The following KIF26B variants were observed in gnomAD, a reference collection of about 807,000 sequenced individuals.
The protein encoded by KIF26B is kinesin family member 26B, also known as kinesin-like protein KIF26B.
KIF26B carries 63 observed loss-of-function variants against 151.2 expected under a neutral mutation model. The observed-to-expected ratio is 0.42, with a 90% confidence interval of 0.34 to 0.51. The LOEUF (loss-of-function observed/expected upper bound fraction) is 0.51, where lower values mean the gene tolerates loss of function less well. KIF26B is among the 20% of genes least tolerant of loss of function. The probability of loss-of-function intolerance (pLI) is 0.07; values close to 1 mark genes in which losing one functional copy is unlikely to be tolerated. For missense variants in KIF26B, 2,813 were observed against 2,913.6 expected, an observed-to-expected ratio of 0.97 and a Z score of 0.79; for synonymous variants, 1,357 against 1,262.1, an observed-to-expected ratio of 1.08 and a Z score of -1.59.
chr1:245,265,828 G>A (rs76114378), intron 2 of KIF26B, among the ~76,000 whole-genome samples: 2 of 151,972 alleles, frequency 1.3e-5, no homozygotes, highest in Non-Finnish European at 2.9e-5. Context: ...AGCTGGTTTC[G>A]AACTCCTGAG....
chr1:245,586,911 A>G (rs915216625), intron 5 of KIF26B, among the ~76,000 whole-genome samples: 57 of 148,396 alleles, frequency 3.8e-4, no homozygotes, highest in African/African-American at 1.4e-3. Flanking sequence ...AAAAAAAAAC[A>G]TCAAACAATA....
chr1:245,260,978 G>A (rs997146474), intron 2 of KIF26B, among the ~76,000 whole-genome samples: 2 of 151,934 alleles, frequency 1.3e-5, no homozygotes, highest in Non-Finnish European at 2.9e-5. Context: ...GTCAACTCTT[G>A]CCTGTCCTTC....
intron 2 of KIF26B, among the ~76,000 whole-genome samples, chr1:245,337,983 G>A (rs576871255): frequency 6.6e-6 from 1 of 152,310 alleles, no homozygotes; most frequent in Admixed American, 6.5e-5. Flanking sequence ...ACAGCTAACA[G>A]CTTGACAGGA....
In KIF26B at chr1:245,318,563, T is replaced by C. The variant is rs1476649374; in HGVS notation, c.466-48271T>C. Among the ~76,000 whole-genome samples the C allele has an allele frequency of 6.6e-6, 1 of 152,180 alleles. No homozygotes were observed. The highest frequency in any genetic ancestry group is 1.9e-4 in the East Asian group (1 of 5,184). ...TGCTGGAATTATCCCAGAGCTGTGT[T>C]GTGACCTCTGGATGCTAGCCTTTCC... On this transcript the variant is annotated intron_variant, in intron 2 of 14. Transcript: ENST00000407071. This position sits in a 1 kb window ranked among gnomAD's most constrained non-coding sequence, Gnocchi z 4.0.
In KIF26B at chr1:245,704,873, T is replaced by C. The variant is rs1158077564; in HGVS notation, c.*2267T>C. ...CATATAGTTCATGAAAAGTCTTTAA[T>C]TGGAGATTTTCAAAGGTGAATATTC... On this transcript the variant is annotated 3_prime_UTR_variant, in exon 15 of 15. Coordinates refer to ENST00000407071, the MANE Select transcript of KIF26B (RefSeq NM_018012.4). 4 of 152,342 alleles carry C rather than the reference T, an allele frequency of 2.6e-5. No homozygotes were observed. In the South Asian group the frequency reaches 6.2e-4, roughly 24 times the overall value. 9.4% of individuals were successfully genotyped at this position (152,342 alleles called of 1,614,324 possible).
chr1:245,583,269 G>T (rs970380981), intron 5 of KIF26B, among the ~76,000 whole-genome samples: 1 of 152,190 alleles, frequency 6.6e-6, no homozygotes, highest in South Asian at 2.1e-4. Context: ...AGCTCCAGTG[G>T]TGTGAAAGGC....
chr1:245,195,655 G>C (rs1200198337), intron 2 of KIF26B, among the ~76,000 whole-genome samples: 2 of 152,202 alleles, frequency 1.3e-5, no homozygotes, highest in African/African-American at 4.8e-5. Context: ...AGGAGGCTGA[G>C]CATGTCGAGT....
chr1:245,430,339 C>T (rs1658747732), intron 4 of KIF26B, among the ~76,000 whole-genome samples: 1 of 151,964 alleles, frequency 6.6e-6, no homozygotes, highest in South Asian at 2.1e-4. Context: ...TAATATGTTT[C>T]CTTCCTTCAG....
chr1:245,384,609 A>G (rs1225757470), intron 3 of KIF26B, among the ~76,000 whole-genome samples: 1 of 152,230 alleles, frequency 6.6e-6, no homozygotes, highest in Non-Finnish European at 1.5e-5. Flanking sequence ...AAGATAAGGA[A>G]AATGAGGTAC....
chr1:245,251,872 A>AAT (rs1011530093), intron 2 of KIF26B, among the ~76,000 whole-genome samples: 11 of 151,954 alleles, frequency 7.2e-5, no homozygotes, highest in East Asian at 3.9e-4. Flanking sequence ...TTCTGCCAAA[A>AAT]ATATATATAT....
In KIF26B at chr1:245,698,566, G is replaced by A. The variant is rs1447258151; in HGVS notation, c.6027+258G>A. Among the ~76,000 whole-genome samples the A allele has an allele frequency of 6.6e-6, 1 of 152,192 alleles. No homozygotes were observed. The highest frequency in any genetic ancestry group is 2.1e-4 in the South Asian group (1 of 4,830). ...GGGTCGGGGGCTGGTGATCTTGGGGGCTTTTCTGGCTCCTTGAGGCTCCCA... is the reference window on the plus strand; with the variant it reads ...GGGTCGGGGGCTGGTGATCTTGGGGACTTTTCTGGCTCCTTGAGGCTCCCA... On this transcript the variant is annotated intron_variant, in intron 13 of 14. Transcript: ENST00000407071. The surrounding 1 kb of genome is among the most constrained non-coding windows in gnomAD (Gnocchi z 4.0).
In KIF26B at chr1:245,702,370, TG is replaced by T; in HGVS notation, c.6179-83del. 6.9e-7 allele frequency: 1 copy of T among 1,447,798 alleles called. No homozygotes were observed. The highest frequency in any genetic ancestry group is 9.6e-7 in the Non-Finnish European group (1 of 1,043,016). The allele number at this position is 1,447,798 out of a possible 1,614,324, so 89.7% of individuals were successfully genotyped here. A position where few individuals can be genotyped will look rare whatever the true frequency, so the allele number is the denominator to read the frequency against. Reference sequence around the variant, plus strand: ...AGACCTTTAGACCAAGGGGTAGATGTGGGGGTGGCAGCTCCAGGCTGAGCCG... The same window carrying T: ...AGACCTTTAGACCAAGGGGTAGATGTGGGGTGGCAGCTCCAGGCTGAGCCG... On this transcript the variant is annotated intron_variant, in intron 14 of 14. Coordinates refer to ENST00000407071, the MANE Select transcript of KIF26B (RefSeq NM_018012.4). This position sits in a 1 kb window ranked among gnomAD's most constrained non-coding sequence, Gnocchi z 4.1.
chr1:245,557,186 C>T (rs183600444), intron 5 of KIF26B, among the ~76,000 whole-genome samples: 1 of 152,352 alleles, frequency 6.6e-6, no homozygotes, highest in East Asian at 1.9e-4. Flanking sequence ...AATTCTAGAA[C>T]TTTCCAAATA....
chr1:245,677,646 A>C lies in KIF26B; in HGVS notation c.2259-6587A>C, dbSNP rs535859909. On this transcript the variant is annotated intron_variant, in intron 10 of 14. Transcript: ENST00000407071. ...CCTTGAAGGGAATGTTGCCAAGACA[A>C]GGCCACTTCTGCAGAGCAGATACCT... 2.0e-3 allele frequency among the ~76,000 whole-genome samples: 305 copies of C among 152,366 alleles called. 2 individuals are homozygous for C. The highest frequency in any genetic ancestry group is 6.8e-3 in the Middle Eastern group (2 of 294).
At chr1:245,636,860 T>TTGTGTGTGTGTGTGTG (rs34722448) in intron 9 of KIF26B, among the ~76,000 whole-genome samples, 14 of 149,196 alleles carry the variant, frequency 9.4e-5, no homozygotes, top group African/African-American at 3.4e-4. Flanking sequence ...TAATATTCCA[T>TTGTGTGTGTGTGTGTG]TGTGTGTGTG....
At chr1:245,443,928 C>T (rs1659183772) in intron 4 of KIF26B, among the ~76,000 whole-genome samples, 1 of 137,728 alleles carries the variant, frequency 7.3e-6, no homozygotes, top group Non-Finnish European at 1.6e-5. Flanking sequence ...CGGTCATCTC[C>T]CTCACTGTTC....
At chr1:245,550,042 G>T (rs1210357534) in intron 5 of KIF26B, among the ~76,000 whole-genome samples, 6 of 152,212 alleles carry the variant, frequency 3.9e-5, no homozygotes, top group Admixed American at 2.0e-4. Context: ...GCTTCTCAAA[G>T]TGCTGGGATT....
intron 4 of KIF26B, among the ~76,000 whole-genome samples, chr1:245,435,077 A>ATCCATCCATCCATCTC (rs1658879265): frequency 6.7e-6 from 1 of 150,224 alleles, no homozygotes; most frequent in Admixed American, 6.6e-5. Context: ...CCATCCATCC[A>ATCCATCCATCCATCTC]TCCATCCATC....
chr1:245,348,098 A>T lies in KIF26B; in HGVS notation c.466-18736A>T, dbSNP rs530737584. On this transcript the variant is annotated intron_variant, in intron 2 of 14. Coordinates refer to ENST00000407071, the MANE Select transcript of KIF26B (RefSeq NM_018012.4). ...TAGATCATTCCCTCCTTCCTGGATGACTTTCTTTGCCTTGTTTTCTGAACA... is the reference window on the plus strand; with the variant it reads ...TAGATCATTCCCTCCTTCCTGGATGTCTTTCTTTGCCTTGTTTTCTGAACA... 4.6e-5 allele frequency among the ~76,000 whole-genome samples: 7 copies of T among 152,276 alleles called. No homozygotes were observed. In the South Asian group the frequency reaches 1.5e-3, roughly 32 times the overall value.
Sources: allele counts gnomAD v4.1 joint callset (sites outside exome capture counted in the v4.1 genomes callset), GRCh38; gene constraint gnomAD v4.1.1; non-coding constraint Gnocchi (gnomAD v3.1); transcripts MANE v1.5; gene names NCBI Gene and HGNC (gene_info 2026-07-23, HGNC 2026-07-21).